Variants in RIMS2 observed in about 807,000 individuals in gnomAD.
The protein encoded by RIMS2 is regulating synaptic membrane exocytosis protein 2.
A neutral mutation model predicts 174.4 loss-of-function variants in RIMS2; 59 were observed. The ratio of observed to expected loss-of-function variants is 0.34; its 90% CI spans 0.27 to 0.42. RIMS2 has a LOEUF of 0.42. RIMS2 is among the 10% of genes least tolerant of loss of function. RIMS2 has a pLI of 1.00. For missense variants in RIMS2, 1,620 were observed against 1,666.3 expected (o/e 0.97, Z 0.48); for synonymous variants, 606 against 572.5 (o/e 1.06, Z -0.84).
intron 19 of RIMS2, among the ~76,000 whole-genome samples, chr8:104,195,158 A>G (rs1168248887): frequency 6.6e-6 from 1 of 152,188 alleles, no homozygotes; most frequent in African/African-American, 2.4e-5. Flanking sequence ...GATAATAGAA[A>G]TTAGAGATTA....
chr8:104,217,151 A>C (rs2099133717), intron 19 of RIMS2, among the ~76,000 whole-genome samples: 1 of 152,158 alleles, frequency 6.6e-6, no homozygotes, highest in Non-Finnish European at 1.5e-5. Flanking sequence ...TTTTTAGCTT[A>C]CTCAATAAGT....
chr8:103,520,277 C>T (rs1239622634), intron 1 of RIMS2, among the ~76,000 whole-genome samples: 1 of 152,098 alleles, frequency 6.6e-6, no homozygotes, highest in Non-Finnish European at 1.5e-5. Flanking sequence ...ACTTTTTCTG[C>T]TGCCATGCTT....
At chr8:103,986,672 A>G (rs1474341807) in intron 16 of RIMS2, among the ~76,000 whole-genome samples, 1 of 152,122 alleles carries the variant, frequency 6.6e-6, no homozygotes, top group Non-Finnish European at 1.5e-5. Context: ...AGTGTTCATG[A>G]CCAGCCTGGC....
intron 4 of RIMS2, among the ~76,000 whole-genome samples, chr8:103,909,090 A>G (rs2075123944): frequency 2.6e-5 from 4 of 151,958 alleles, no homozygotes; most frequent in African/African-American, 9.7e-5. Flanking sequence ...TCTAAATTAG[A>G]TCTTATTGTA....
chr8:103,965,990 A>C (rs935391747), intron 15 of RIMS2, among the ~76,000 whole-genome samples: 3 of 152,182 alleles, frequency 2.0e-5, no homozygotes, highest in Admixed American at 6.5e-5. Flanking sequence ...ATCCAAGATT[A>C]ATCCCACTTA....
chr8:103,538,387 T>A (rs139593518), intron 1 of RIMS2, among the ~76,000 whole-genome samples: 55 of 152,278 alleles, frequency 3.6e-4, no homozygotes, highest in Middle Eastern at 3.4e-3. Context: ...GTTACATGAG[T>A]AAGTTCTTTC....
At chr8:103,620,159 C>T (rs1243282631) in intron 1 of RIMS2, among the ~76,000 whole-genome samples, 3 of 152,010 alleles carry the variant, frequency 2.0e-5, no homozygotes, top group Non-Finnish European at 4.4e-5. Context: ...GAAATAATTT[C>T]CATATTAAAA....
chr8:103,820,245 G>A (rs2098743680), intron 3 of RIMS2, among the ~76,000 whole-genome samples: 1 of 151,972 alleles, frequency 6.6e-6, no homozygotes, highest in Admixed American at 6.6e-5. Flanking sequence ...CTCTCAGATG[G>A]TTTCTCTGGC....
At chr8:103,724,672 A>G (rs2097503970) in intron 2 of RIMS2, among the ~76,000 whole-genome samples, 1 of 152,224 alleles carries the variant, frequency 6.6e-6, no homozygotes, top group African/African-American at 2.4e-5. Context: ...ACAATATAAG[A>G]TATGGATCCT....
At chr8:104,169,348 T>C (rs896636854) in intron 19 of RIMS2, among the ~76,000 whole-genome samples, 8 of 123,064 alleles carry the variant, frequency 6.5e-5, no homozygotes, top group African/African-American at 2.3e-4. Flanking sequence ...ATAAAACAGA[T>C]TCAATCTCAT....
intron 1 of RIMS2, among the ~76,000 whole-genome samples, chr8:103,554,521 AG>A (rs1849542927): frequency 6.6e-6 from 1 of 152,222 alleles, no homozygotes; most frequent in Non-Finnish European, 1.5e-5. Context: ...TATTATTAAA[AG>A]GTCAAAGAGT....
intron 3 of RIMS2, among the ~76,000 whole-genome samples, chr8:103,787,766 A>G (rs76392791): frequency 4.6e-5 from 7 of 151,578 alleles, no homozygotes; most frequent in East Asian, 1.9e-4. Flanking sequence ...TGCTCTTCTC[A>G]AGGAGTATCT....
chr8:104,006,574 A>G (rs1269600210), intron 17 of RIMS2, among the ~76,000 whole-genome samples: 6 of 151,236 alleles, frequency 4.0e-5, no homozygotes, highest in Admixed American at 6.6e-5. Context: ...AATAATAATA[A>G]TACCTTCTTT....
intron 19 of RIMS2, among the ~76,000 whole-genome samples, chr8:104,035,616 AT>A (rs1158302569): frequency 6.6e-6 from 1 of 151,616 alleles, no homozygotes; most frequent in Admixed American, 6.6e-5. Flanking sequence ...ATACTGTGAA[AT>A]TTTTTTTGAG....
chr8:104,204,947 T>C (rs2099072800), intron 19 of RIMS2, among the ~76,000 whole-genome samples: 1 of 152,192 alleles, frequency 6.6e-6, no homozygotes, highest in Non-Finnish European at 1.5e-5. Context: ...TAAACAAACC[T>C]AAGATTACCA....
chr8:103,593,180 C>T (rs1012024123), intron 1 of RIMS2, among the ~76,000 whole-genome samples: 1 of 151,524 alleles, frequency 6.6e-6, no homozygotes, highest in African/African-American at 2.4e-5. Context: ...AAAACTTGTT[C>T]ACTACCATGA....
rs71297254 is a variant in RIMS2, at chr8:104,118,377, T to TG, written c.3334+103762_3334+103763insG. On this transcript the variant is annotated intron_variant, in intron 19 of 23. Coordinates refer to ENST00000504942, the Ensembl canonical transcript of RIMS2. ...TTGTTTTTTTGTTTTTTTGTTTTTT[T>TG]TTTTTTTGAGACAGGGTCTTGTTCT... Among the ~76,000 whole-genome samples the TG allele has an allele frequency of 1.6e-3, 238 of 148,108 alleles. 2 individuals are homozygous for TG. Among genetic ancestry groups the TG allele is most frequent in the African/African-American group, 5.1e-3 (204 of 39,992 alleles).
At chr8:103,594,878 T>A (rs537169643) in intron 1 of RIMS2, among the ~76,000 whole-genome samples, 2 of 151,762 alleles carry the variant, frequency 1.3e-5, no homozygotes, top group Non-Finnish European at 3.0e-5. Context: ...CTATAAGACA[T>A]GGGAGAAAGT....
At chr8:104,128,137 C>G (rs2098446572) in intron 19 of RIMS2, among the ~76,000 whole-genome samples, 1 of 152,126 alleles carries the variant, frequency 6.6e-6, no homozygotes, top group Non-Finnish European at 1.5e-5. Flanking sequence ...AGGGAGATCA[C>G]CAAATCTGCT....
Sources: allele counts gnomAD v4.1 joint callset (sites outside exome capture counted in the v4.1 genomes callset), GRCh38; gene constraint gnomAD v4.1.1; transcripts MANE v1.5; gene names NCBI Gene and HGNC (gene_info 2026-07-23, HGNC 2026-07-21).